The following SGCD variants were observed in gnomAD, a reference collection of about 807,000 sequenced individuals.
The protein encoded by SGCD is sarcoglycan delta.
In SGCD, 18 loss-of-function variants were observed where a neutral mutation model predicts 36.6. The observed-to-expected ratio is 0.49, with a 90% CI of 0.34 to 0.73. The LOEUF is 0.73. Among genes scored for constraint, SGCD ranks in the 30% least tolerant of loss-of-function variants. The pLI is 0.01. For missense variants in SGCD, 387 were observed against 346.7 expected, an observed-to-expected ratio of 1.12 and a Z score of -0.92; for synonymous variants, 133 against 130.6, an observed-to-expected ratio of 1.02 and a Z score of -0.12.
intron 1 of SGCD, among the ~76,000 whole-genome samples, chr5:155,931,381 T>A (rs565615795): frequency 6.6e-6 from 1 of 152,324 alleles, no homozygotes; most frequent in Admixed American, 6.5e-5. Flanking sequence ...CCATTTTTTA[T>A]TTTAACATCA....
chr5:155,875,670 G>A lies in SGCD; in HGVS notation c.-282+5246G>A, dbSNP rs1364149747. On this transcript the variant is annotated intron_variant, in intron 1 of 9. Transcript: ENST00000517913. ...TTTTTTTTTTTTTTTAGTTGTTATG[G>A]TATTTTTACCCCCTCTTTATAGCCT... 7.4e-5 allele frequency among the ~76,000 whole-genome samples: 11 copies of A among 148,352 alleles called. No homozygotes were observed. The East Asian group carries it at 2.2e-3, about 29-fold the overall frequency.
At chr5:156,436,081 T>C (rs1753231877) in intron 3 of SGCD, among the ~76,000 whole-genome samples, 1 of 152,196 alleles carries the variant, frequency 6.6e-6, no homozygotes. Flanking sequence ...TCCATTTGTC[T>C]GTAGCCTGTT....
chr5:155,738,143 A>T, the SGCD span, among the ~76,000 whole-genome samples: 1 of 152,168 alleles, frequency 6.6e-6, no homozygotes, highest in South Asian at 2.1e-4. Flanking sequence ...CTGAATGTAG[A>T]GCCCAGTTTG....
At chr5:156,676,917 T>C (rs1753536951) in intron 7 of SGCD, among the ~76,000 whole-genome samples, 1 of 152,216 alleles carries the variant, frequency 6.6e-6, no homozygotes, top group African/African-American at 2.4e-5. Context: ...CCTGCCCTCA[T>C]GGAGTCTGTG....
the SGCD span, among the ~76,000 whole-genome samples, chr5:155,755,373 G>C: frequency 6.6e-6 from 1 of 152,118 alleles, no homozygotes; most frequent in Non-Finnish European, 1.5e-5. Context: ...TGTTTGTACT[G>C]CTCTGAGACC....
intron 6 of SGCD, among the ~76,000 whole-genome samples, chr5:156,644,578 G>T (rs140233159): frequency 6.6e-6 from 1 of 150,388 alleles, no homozygotes; most frequent in African/African-American, 2.4e-5. Flanking sequence ...AAAATGTTTC[G>T]CAATTTCCTT....
At chr5:156,039,154 A>G (rs1234022450) in intron 1 of SGCD, among the ~76,000 whole-genome samples, 1 of 151,962 alleles carries the variant, frequency 6.6e-6, no homozygotes, top group Non-Finnish European at 1.5e-5. Flanking sequence ...TCCACCACCT[A>G]GCCCTAAGAA....
At chr5:156,001,462 T>G (rs1320170523) in intron 1 of SGCD, among the ~76,000 whole-genome samples, 1 of 152,220 alleles carries the variant, frequency 6.6e-6, no homozygotes, top group African/African-American at 2.4e-5. Flanking sequence ...AATGACATAA[T>G]CATATTTTGC....
intron 3 of SGCD, among the ~76,000 whole-genome samples, chr5:156,214,823 G>A (rs1407529720): frequency 6.6e-6 from 1 of 151,922 alleles, no homozygotes; most frequent in African/African-American, 2.4e-5. Context: ...CTTTGACAAG[G>A]GTGCCAAGAA....
chr5:155,750,507 A>G, the SGCD span, among the ~76,000 whole-genome samples: 2 of 152,128 alleles, frequency 1.3e-5, no homozygotes, highest in African/African-American at 4.8e-5. Context: ...GAAAAAAATA[A>G]CCTCTATTTG....
At chr5:156,556,108 T>C (rs1307302037) in intron 4 of SGCD, among the ~76,000 whole-genome samples, 2 of 139,566 alleles carry the variant, frequency 1.4e-5, no homozygotes, top group Admixed American at 1.4e-4. Context: ...AAATACTTTC[T>C]GATACAGATA....
chr5:156,626,663 G>A (rs1762452200), intron 6 of SGCD, among the ~76,000 whole-genome samples: 1 of 152,126 alleles, frequency 6.6e-6, no homozygotes, highest in Admixed American at 6.5e-5. Flanking sequence ...TAATCTTATA[G>A]TTGAAGTAGA....
At chr5:156,612,087 G>C (rs1044551957) in intron 6 of SGCD, among the ~76,000 whole-genome samples, 1 of 151,998 alleles carries the variant, frequency 6.6e-6, no homozygotes, top group Non-Finnish European at 1.5e-5. Context: ...TTTTGGGAGG[G>C]GGTCTGTTAC....
intron 4 of SGCD, among the ~76,000 whole-genome samples, chr5:156,546,197 T>G (rs1163269597): frequency 6.6e-6 from 1 of 152,224 alleles, no homozygotes. Context: ...TTCTGGAATA[T>G]GTGTTAATAT....
At chr5:156,643,248 T>G (rs1482098371) in intron 6 of SGCD, among the ~76,000 whole-genome samples, 1 of 152,020 alleles carries the variant, frequency 6.6e-6, no homozygotes, top group East Asian at 1.9e-4. Context: ...GTCAGGCTGG[T>G]TTCGAACTCC....
At chr5:156,127,856 A>C in intron 3 of SGCD, among the ~76,000 whole-genome samples, 1 of 48,452 alleles carries the variant, frequency 2.1e-5, no homozygotes, top group African/African-American at 1.5e-4. Flanking sequence ...CATAAATGCA[A>C]AAAAAAAAAA....
the SGCD span, among the ~76,000 whole-genome samples, chr5:155,736,132 A>G: frequency 6.6e-6 from 1 of 152,242 alleles, no homozygotes; most frequent in African/African-American, 2.4e-5. Context: ...TGACATTGTT[A>G]ACACACAGAT....
chr5:156,361,627 A>G (rs1769798669), intron 3 of SGCD, among the ~76,000 whole-genome samples: 1 of 152,252 alleles, frequency 6.6e-6, no homozygotes, highest in Non-Finnish European at 1.5e-5. Flanking sequence ...CAGAGTCATA[A>G]GCTCATGTTT....
At chr5:156,555,210 G>T (rs192724568) in intron 4 of SGCD, among the ~76,000 whole-genome samples, 36 of 152,224 alleles carry the variant, frequency 2.4e-4, no homozygotes, top group African/African-American at 8.4e-4. Flanking sequence ...GCCCTGAAGT[G>T]TTTTTATTTT....
Sources: allele counts gnomAD v4.1 joint callset (sites outside exome capture counted in the v4.1 genomes callset), GRCh38; gene constraint gnomAD v4.1.1; transcripts MANE v1.5; gene names NCBI Gene and HGNC (gene_info 2026-07-23, HGNC 2026-07-21).